The following PPM1E variants were observed in gnomAD, a reference collection of about 807,000 sequenced individuals.
PPM1E encodes protein phosphatase 1E.
A neutral mutation model predicts 65.9 loss-of-function variants in PPM1E; 20 were observed. The observed-to-expected ratio is 0.30, with a 90% confidence interval of 0.21 to 0.44. The LOEUF (loss-of-function observed/expected upper bound fraction) is 0.44. PPM1E is among the 20% of genes least tolerant of loss of function. The probability of loss-of-function intolerance (pLI) is 1.00; values close to 1 mark genes in which losing one functional copy is unlikely to be tolerated. For synonymous variants in PPM1E, 352 were observed against 374.9 expected (o/e 0.94, Z 0.70); for missense variants, 713 against 953.1 (o/e 0.75, Z 3.32).
intron 1 of PPM1E, among the ~76,000 whole-genome samples, chr17:58,945,962 G>C (rs539016081): frequency 8.5e-5 from 13 of 152,168 alleles, no homozygotes; most frequent in African/African-American, 3.1e-4. Flanking sequence ...GCTTCATCAC[G>C]TAGGCATGTT....
chr17:58,781,397 T>TA (rs1336507626), intron 1 of PPM1E, among the ~76,000 whole-genome samples: 1 of 151,848 alleles, frequency 6.6e-6, no homozygotes, highest in Non-Finnish European at 1.5e-5. Flanking sequence ...CGCCTCAGCC[T>TA]CCCAAAGTTC....
chr17:58,835,482 TC>T (rs1431937558), intron 1 of PPM1E, among the ~76,000 whole-genome samples: 1 of 152,182 alleles, frequency 6.6e-6, no homozygotes, highest in Non-Finnish European at 1.5e-5. Context: ...TTATTACCTG[TC>T]ATATTGTTGG....
chr17:58,866,799 G>T (rs150729044), intron 1 of PPM1E, among the ~76,000 whole-genome samples: 8 of 152,234 alleles, frequency 5.3e-5, no homozygotes, highest in African/African-American at 1.9e-4. Flanking sequence ...ACTCCACAAA[G>T]AAAGCAAAAG....
At chr17:58,975,631 G>A (rs996490590) in intron 6 of PPM1E, among the ~76,000 whole-genome samples, 1 of 152,198 alleles carries the variant, frequency 6.6e-6, no homozygotes, top group African/African-American at 2.4e-5. Flanking sequence ...GGCATGGCAT[G>A]TTTTAGGAAA....
At chr17:58,866,674 C>G (rs2051007747) in intron 1 of PPM1E, among the ~76,000 whole-genome samples, 1 of 152,210 alleles carries the variant, frequency 6.6e-6, no homozygotes, top group Non-Finnish European at 1.5e-5. Context: ...ATTGCACACT[C>G]AAAGGTCATG....
At chr17:58,961,041 G>A (rs1240593103) in intron 2 of PPM1E, among the ~76,000 whole-genome samples, 1 of 152,014 alleles carries the variant, frequency 6.6e-6, no homozygotes, top group South Asian at 2.1e-4. Context: ...AAAATGTTTA[G>A]AAAGTTCATC....
chr17:58,813,204 C>G (rs768997727), intron 1 of PPM1E, among the ~76,000 whole-genome samples: 1 of 152,170 alleles, frequency 6.6e-6, no homozygotes, highest in Non-Finnish European at 1.5e-5. Context: ...TCTCTATCCT[C>G]TTTTTGTCAG....
chr17:58,806,605 T>A (rs1249728958), intron 1 of PPM1E, among the ~76,000 whole-genome samples: 1 of 152,060 alleles, frequency 6.6e-6, no homozygotes, highest in Non-Finnish European at 1.5e-5. Flanking sequence ...TAATATAGAC[T>A]TGACTTGAGA....
At chr17:58,948,741 T>A (rs2052197174) in intron 1 of PPM1E, among the ~76,000 whole-genome samples, 1 of 152,230 alleles carries the variant, frequency 6.6e-6, no homozygotes, top group African/African-American at 2.4e-5. Flanking sequence ...AAGGAATTAG[T>A]CAATTTCCTT....
intron 1 of PPM1E, among the ~76,000 whole-genome samples, chr17:58,843,325 CAAA>C (rs1177213005): frequency 5.5e-5 from 5 of 91,462 alleles, no homozygotes; most frequent in African/African-American, 4.4e-5. Context: ...GACTCCCTCT[CAAA>C]AAAAAAAAAA....
At chr17:58,887,092 A>G (rs1003822280) in intron 1 of PPM1E, among the ~76,000 whole-genome samples, 3 of 151,860 alleles carry the variant, frequency 2.0e-5, no homozygotes, top group East Asian at 1.9e-4. Context: ...CAAAATTACT[A>G]TAGCATTTAA....
intron 1 of PPM1E, among the ~76,000 whole-genome samples, chr17:58,944,973 A>G (rs2052127385): frequency 6.6e-6 from 1 of 152,198 alleles, no homozygotes; most frequent in Admixed American, 6.5e-5. Context: ...TTATCCATAT[A>G]GTTGCCAACA....
At chr17:58,853,058 T>C (rs1379412698) in intron 1 of PPM1E, among the ~76,000 whole-genome samples, 5 of 152,222 alleles carry the variant, frequency 3.3e-5, no homozygotes, top group Non-Finnish European at 7.3e-5. Context: ...GTTGTCTTTC[T>C]ACTCTGTTGA....
At chr17:58,770,512 G>A (rs757927035) in intron 1 of PPM1E, among the ~76,000 whole-genome samples, 1 of 151,982 alleles carries the variant, frequency 6.6e-6, no homozygotes, top group Non-Finnish European at 1.5e-5. Context: ...ACTCCAGCCC[G>A]GGCAACATAG....
At chr17:58,855,759 C>T (rs1024704751) in intron 1 of PPM1E, among the ~76,000 whole-genome samples, 13 of 152,260 alleles carry the variant, frequency 8.5e-5, no homozygotes, top group Admixed American at 5.2e-4. Flanking sequence ...AACCATCCTA[C>T]GTTTCTCAGC....
chr17:58,941,961 C>T (rs1354170976), intron 1 of PPM1E, among the ~76,000 whole-genome samples: 5 of 147,398 alleles, frequency 3.4e-5, no homozygotes, highest in African/African-American at 7.6e-5. Flanking sequence ...GCCAAGATCG[C>T]GCCATTGCAC....
intron 1 of PPM1E, among the ~76,000 whole-genome samples, chr17:58,831,161 C>G (rs2050602497): frequency 6.6e-6 from 1 of 152,074 alleles, no homozygotes. Context: ...CAGGCACGTG[C>G]CACCACACCC....
At chr17:58,826,736 C>T (rs988716045) in intron 1 of PPM1E, among the ~76,000 whole-genome samples, 7 of 151,944 alleles carry the variant, frequency 4.6e-5, no homozygotes, top group Admixed American at 4.6e-4. Context: ...AGCGATTTTT[C>T]TGCCTCACCC....
intron 1 of PPM1E, among the ~76,000 whole-genome samples, chr17:58,929,609 TG>T (rs1250541941): frequency 1.3e-5 from 2 of 152,124 alleles, no homozygotes; most frequent in African/African-American, 4.8e-5. Flanking sequence ...ATCTAAGTAG[TG>T]GGTATATGAA....
Sources: gnomAD v4.1 joint callset for allele counts (sites outside exome capture counted in the v4.1 genomes callset) on GRCh38, gnomAD v4.1.1 for gene constraint, MANE v1.5 for transcripts, NCBI Gene and HGNC (gene_info 2026-07-23, HGNC 2026-07-21) for gene names.